Variants in OC90 observed in about 807,000 individuals in gnomAD.
OC90 encodes otoconin-90.
A neutral mutation model predicts 47.3 loss-of-function variants in OC90; 46 were observed. The observed-to-expected ratio is 0.97, with a 90% CI of 0.77 to 1.24. The LOEUF (loss-of-function observed/expected upper bound fraction) is 1.24, where lower values mean the gene tolerates loss of function less well. Ranked by LOEUF, OC90 falls within the 50% of genes most tolerant of loss-of-function variation. OC90 has a pLI of 0.00. For synonymous variants in OC90, 271 were observed against 219.5 expected (o/e 1.23, Z -2.07); for missense variants, 688 against 583.9 (o/e 1.18, Z -1.84).
At chr8:132,052,660 T>C (rs7820216) in intron 2 of OC90, among the ~76,000 whole-genome samples, 10,402 of 152,252 alleles carry the variant, frequency 0.068, 1,067 homozygotes, top group African/African-American at 0.22. Flanking sequence ...AGTCCAACAG[T>C]GCAGCTTAGG....
intron 13 of OC90, among the ~76,000 whole-genome samples, chr8:132,025,359 A>T (rs748804983): frequency 3.9e-4 from 59 of 152,292 alleles, no homozygotes; most frequent in Non-Finnish European, 7.2e-4. Context: ...TAAAATGGCG[A>T]GTTTGACTTT....
At chr8:132,051,089 A>G (rs1476929341) in intron 2 of OC90, among the ~76,000 whole-genome samples, 1 of 152,210 alleles carries the variant, frequency 6.6e-6, no homozygotes, top group Non-Finnish European at 1.5e-5. Flanking sequence ...AGAAGGGAAA[A>G]ACAACAGGGT....
chr8:132,055,508 T>C (rs183729520), intron 1 of OC90, among the ~76,000 whole-genome samples: 4 of 152,210 alleles, frequency 2.6e-5, no homozygotes, highest in African/African-American at 7.2e-5. Context: ...CTTTTGTTAA[T>C]TGAATTTTAA....
Position 132,038,799 on chromosome 8 carries a change from GA to G in OC90, c.618del (p.Leu207CysfsTer14). 6.2e-7 allele frequency: 1 copy of G among 1,613,802 alleles called. No homozygotes were observed. Among genetic ancestry groups the G allele is most frequent in the South Asian group, 1.1e-5 (1 of 91,056 alleles). ...CCCTGGGAGGCCTTACCTCTGGGCA[GA>G]AGTGTTGTCAAGTCTTCCTTGATGG... ...ETTIKEDLTT[L>X]LPRVVPVEPT... On this transcript the variant is annotated frameshift_variant, in exon 8 of 14. Coordinates refer to ENST00000254627, the MANE Select transcript of OC90 (RefSeq NM_001080399.3). LOFTEE classifies it high-confidence loss of function.
chr8:132,037,504 T>A lies in OC90; in HGVS notation c.629-16A>T. 6.4e-7 allele frequency: 1 copy of A among 1,569,356 alleles called. No individual in the cohort carries two copies. Among genetic ancestry groups the A allele is most frequent in the Non-Finnish European group, 8.7e-7 (1 of 1,155,950 alleles). ...ACAGGAACCACTGGAAAAAGAGAGT[T>A]CCCAATAGCAGTGACTCATGCAACA... On this transcript the variant is annotated splice_polypyrimidine_tract_variant and intron_variant, in intron 8 of 13. Coordinates refer to ENST00000254627, the MANE Select transcript of OC90 (RefSeq NM_001080399.3).
At chr8:132,041,899 A>C (rs1482037680) in intron 4 of OC90, among the ~76,000 whole-genome samples, 200 bp from the exon 5 acceptor site, 1 of 152,108 alleles carries the variant, frequency 6.6e-6, no homozygotes, top group Non-Finnish European at 1.5e-5. Context: ...CTTCTTCCTT[A>C]CTGACAAAAC....
Position 132,054,820 on chromosome 8 carries a change from A to G in OC90, c.46+161T>C, listed in dbSNP as rs143972158. Among the ~76,000 whole-genome samples the G allele has an allele frequency of 9.8e-5, 15 of 152,346 alleles. No homozygotes were observed. In the East Asian group the frequency reaches 2.9e-3, roughly 29 times the overall value. On this transcript the variant is annotated intron_variant, in intron 2 of 13. Coordinates refer to ENST00000254627, the MANE Select transcript of OC90 (RefSeq NM_001080399.3). ...AAGAGGGAAGAAATAAAGCAAGAAG[A>G]CAGAGAGGAATATGTTTAACCATCT...
chr8:132,034,639 T>C, intron 10 of OC90, 142 bp downstream of exon 10: 4 of 594,206 alleles, frequency 6.7e-6, no homozygotes, highest in South Asian at 4.7e-5. Context: ...GAATAAATGC[T>C]TCCGATTCTT....
At chr8:132,033,306 C>T (rs1822905193) in intron 10 of OC90, 142 bp from the exon 11 acceptor site, 1 of 781,860 alleles carries the variant, frequency 1.3e-6, no homozygotes. Context: ...TGCAGATGTC[C>T]AGGCAGAGTC....
At position 132,041,635 on chromosome 8, in the gene OC90, C is replaced by T. The variant is rs1166789418; in HGVS notation, c.234G>A (p.Gln78=). 1.2e-6 allele frequency: 2 copies of T among 1,611,104 alleles called. No homozygotes were observed. The highest frequency in any genetic ancestry group is 1.7e-6 in the Non-Finnish European group (2 of 1,179,064). ...AVFTNFPVLI[Q]FVNGMKCVAG... ...CCACACACTTCATACCATTGACAAA[C>T]TGGATCAGCACAGGGAAATTGGTGA... The change falls in exon 5 of 14, where the codon CAG becomes CAA. Residue 78 remains glutamine, a synonymous_variant. Coordinates refer to ENST00000254627, the MANE Select transcript of OC90 (RefSeq NM_001080399.3).
intron 13 of OC90, among the ~76,000 whole-genome samples, chr8:132,026,611 G>C (rs915514614): frequency 5.3e-5 from 8 of 152,178 alleles, no homozygotes. Flanking sequence ...GGTACAGGAG[G>C]CTATCCTTAA....
chr8:132,041,711 G>T lies in OC90; in HGVS notation c.170-12C>A. On this transcript the variant is annotated splice_polypyrimidine_tract_variant and intron_variant, in intron 4 of 13. Transcript: ENST00000254627. ...GGGGCCCAGGCAATCTGTGGGGGTG[G>T]GGGGCAGGGCCTGATAAGCACTGGG... The T allele has an allele frequency of 4.6e-6, 7 of 1,537,372 alleles. No individual in the cohort carries two copies. The highest frequency in any genetic ancestry group is 1.1e-5 in the South Asian group (1 of 88,476).
Position 132,041,715 on chromosome 8 carries a change from G to GGGGGGGC in OC90, c.170-17_170-16insGCCCCCC. 1 of 1,432,208 alleles carries GGGGGGGC rather than the reference G, an allele frequency of 7.0e-7. No homozygotes were observed. The highest frequency in any genetic ancestry group is 9.8e-7 in the Non-Finnish European group (1 of 1,022,330). 88.7% of individuals were successfully genotyped at this position (1,432,208 alleles called of 1,614,324 possible). A position where few individuals can be genotyped will look rare whatever the true frequency, so the allele number is the denominator to read the frequency against. On this transcript the variant is annotated splice_polypyrimidine_tract_variant and intron_variant, in intron 4 of 13. Coordinates refer to ENST00000254627, the MANE Select transcript of OC90 (RefSeq NM_001080399.3). ...CCCAGGCAATCTGTGGGGGTGGGGG[G>GGGGGGGC]CAGGGCCTGATAAGCACTGGGAACT...
chr8:132,040,598 CTG>C (rs537975798), intron 6 of OC90, among the ~76,000 whole-genome samples: 46 of 152,328 alleles, frequency 3.0e-4, no homozygotes, highest in African/African-American at 1.1e-3. Context: ...ACGTCCATCT[CTG>C]AGTTCTTAAC....
Position 132,037,472 on chromosome 8 carries a change from G to A in OC90, c.645C>T (p.Pro215=). 1 of 1,580,360 alleles carries A rather than the reference G, an allele frequency of 6.3e-7. No homozygotes were observed. The change falls in exon 9 of 14, where the codon CCC becomes CCT. Residue 215 remains proline, a synonymous_variant. Transcript: ENST00000254627. The part of the protein sequence containing the change: ...TLLPRVVPVE[P]TDTSLTALSG... ...AAAGGGCTGTCAGGCTGGTGTCTGT[G>A]GGCTCCACAGGAACCACTGGAAAAA... is the stretch of plus-strand genomic sequence containing the variant.
chr8:132,039,149 T>C (rs762971815), intron 6 of OC90, 26 bp from the exon 7 acceptor site: 2 of 1,577,374 alleles, frequency 1.3e-6, no homozygotes, highest in East Asian at 4.7e-5. Flanking sequence ...GCATAGCCAA[T>C]TGGAAAGATC....
At chr8:132,028,839 AAAGGAAAG>A (rs1336677048) in intron 13 of OC90, among the ~76,000 whole-genome samples, 2 of 149,606 alleles carry the variant, frequency 1.3e-5, no homozygotes, top group Non-Finnish European at 3.0e-5. Context: ...GAAAGAAAGA[AAAGGAAAG>A]AAGGAAAGAG....
At chr8:132,030,405 A>G (rs1475544681) in intron 12 of OC90, among the ~76,000 whole-genome samples, 1 of 152,234 alleles carries the variant, frequency 6.6e-6, no homozygotes, top group African/African-American at 2.4e-5. Flanking sequence ...TAGCCATATC[A>G]TAACTTACCT....
At chr8:132,028,448 G>A (rs1331211011) in intron 13 of OC90, among the ~76,000 whole-genome samples, 3 of 151,584 alleles carry the variant, frequency 2.0e-5, no homozygotes, top group Non-Finnish European at 4.4e-5. Flanking sequence ...GTTGCAGTGA[G>A]CCAAGATTGT....
Sources: allele counts gnomAD v4.1 joint callset (sites outside exome capture counted in the v4.1 genomes callset), GRCh38; gene constraint gnomAD v4.1.1; transcripts MANE v1.5; gene names NCBI Gene and HGNC (gene_info 2026-07-23, HGNC 2026-07-21).